The following SYT1 variants were observed in gnomAD, a reference collection of about 807,000 sequenced individuals.
The protein encoded by SYT1 is synaptotagmin-1.
SYT1 carries 8 observed loss-of-function variants against 44.8 expected under a neutral mutation model. The observed-to-expected ratio is 0.18, with a 90% CI of 0.10 to 0.32. The LOEUF (loss-of-function observed/expected upper bound fraction) is 0.32. Among genes scored for constraint, SYT1 ranks in the 10% least tolerant of loss-of-function variants. The pLI, the probability that SYT1 is intolerant of heterozygous loss-of-function variation, is 1.00. For missense variants in SYT1, 286 were observed against 509.3 expected (o/e 0.56, Z 4.22); for synonymous variants, 154 against 188.8 (o/e 0.82, Z 1.51).
intron 3 of SYT1, among the ~76,000 whole-genome samples, chr12:79,141,468 T>A (rs1287850989): frequency 6.6e-6 from 1 of 152,060 alleles, no homozygotes; most frequent in East Asian, 1.9e-4. Flanking sequence ...ATTCATTTTG[T>A]TTTCTTCCAT....
At chr12:79,258,754 C>T (rs894655683) in intron 4 of SYT1, among the ~76,000 whole-genome samples, 1 of 152,172 alleles carries the variant, frequency 6.6e-6, no homozygotes, top group African/African-American at 2.4e-5. Context: ...CAAAGGTAGT[C>T]ATATGTGGCC....
At chr12:79,088,247 C>G (rs142451608) in intron 3 of SYT1, among the ~76,000 whole-genome samples, 122 of 152,016 alleles carry the variant, frequency 8.0e-4, no homozygotes, top group African/African-American at 2.9e-3. Context: ...GTTATTATTA[C>G]TAGTAATTTT....
At chr12:79,172,790 T>G (rs1347139784) in intron 3 of SYT1, among the ~76,000 whole-genome samples, 1 of 151,366 alleles carries the variant, frequency 6.6e-6, no homozygotes, top group Non-Finnish European at 1.5e-5. Flanking sequence ...TTTTACAGAC[T>G]AAGCCATTTT....
chr12:79,051,734 G>A (rs2137793542), intron 3 of SYT1, among the ~76,000 whole-genome samples: 1 of 152,048 alleles, frequency 6.6e-6, no homozygotes, highest in South Asian at 2.1e-4. Context: ...ATTGGATTAA[G>A]TATATGAAGA....
intron 3 of SYT1, among the ~76,000 whole-genome samples, chr12:79,150,664 C>A (rs1215611772): frequency 1.3e-5 from 2 of 152,062 alleles, no homozygotes; most frequent in African/African-American, 4.8e-5. Context: ...ATAGTCATGC[C>A]AAGGTGCAGA....
At chr12:79,235,343 C>G (rs919190796) in intron 4 of SYT1, among the ~76,000 whole-genome samples, 1 of 151,938 alleles carries the variant, frequency 6.6e-6, no homozygotes, top group Admixed American at 6.6e-5. Context: ...GTGCAATTCC[C>G]TGGTAACTCA....
intron 2 of SYT1, among the ~76,000 whole-genome samples, chr12:79,032,596 A>G (rs1682126521): frequency 6.6e-6 from 1 of 151,336 alleles, no homozygotes; most frequent in Non-Finnish European, 1.5e-5. Context: ...TAATACAGTT[A>G]GCATTTAAAC....
At chr12:78,956,978 C>CTA (rs1565736046) in intron 1 of SYT1, among the ~76,000 whole-genome samples, 1 of 152,150 alleles carries the variant, frequency 6.6e-6, no homozygotes, top group Admixed American at 6.6e-5. Context: ...TGAATATGGA[C>CTA]TATATCCTTT....
intron 3 of SYT1, among the ~76,000 whole-genome samples, chr12:79,093,714 T>A (rs1438525001): frequency 1.3e-5 from 2 of 151,426 alleles, no homozygotes. Context: ...ATTATTTTTC[T>A]TCAACAACAA....
intron 2 of SYT1, among the ~76,000 whole-genome samples, chr12:78,981,125 GTTT>G (rs1171068435): frequency 1.6e-5 from 2 of 122,696 alleles, no homozygotes; most frequent in Admixed American, 8.5e-5. Flanking sequence ...TTGTTTCTTT[GTTT>G]TTTTTTTTTT....
chr12:79,280,267 A>G (rs562288479), intron 4 of SYT1, among the ~76,000 whole-genome samples: 2 of 152,250 alleles, frequency 1.3e-5, no homozygotes, highest in Middle Eastern at 3.4e-3. Flanking sequence ...AGCAACCAAA[A>G]CAGCATGGTT....
intron 1 of SYT1, among the ~76,000 whole-genome samples, chr12:78,897,398 T>C (rs1341078970): frequency 6.6e-6 from 1 of 151,482 alleles, no homozygotes; most frequent in Non-Finnish European, 1.5e-5. Flanking sequence ...AGAAGCTAGA[T>C]TGTTTTGTTT....
chr12:79,243,544 G>A (rs1453394778), intron 4 of SYT1, among the ~76,000 whole-genome samples: 1 of 152,120 alleles, frequency 6.6e-6, no homozygotes, highest in African/African-American at 2.4e-5. Flanking sequence ...AATCGAAATC[G>A]AATCCCTTTT....
chr12:79,418,534 G>C (rs1868899197), intron 9 of SYT1, among the ~76,000 whole-genome samples: 1 of 152,064 alleles, frequency 6.6e-6, no homozygotes, highest in East Asian at 1.9e-4. Flanking sequence ...TGACCTTGTG[G>C]GTGACTTCAC....
At chr12:79,076,928 G>A (rs943793241) in intron 3 of SYT1, among the ~76,000 whole-genome samples, 1 of 152,150 alleles carries the variant, frequency 6.6e-6, no homozygotes, top group African/African-American at 2.4e-5. Context: ...TATTTACAGA[G>A]ATGTTTTTTA....
chr12:79,380,312 G>A (rs988837468), intron 9 of SYT1, among the ~76,000 whole-genome samples: 1 of 152,242 alleles, frequency 6.6e-6, no homozygotes, highest in Non-Finnish European at 1.5e-5. Flanking sequence ...TGCAATTTGA[G>A]TGTGTTCCTC....
intron 3 of SYT1, among the ~76,000 whole-genome samples, chr12:79,113,444 C>G (rs953829739): frequency 6.6e-6 from 1 of 151,872 alleles, no homozygotes; most frequent in African/African-American, 2.4e-5. Flanking sequence ...CAAAAAAATT[C>G]TTAGAGTTAT....
chr12:79,077,153 A>G (rs964932390), intron 3 of SYT1, among the ~76,000 whole-genome samples: 1 of 152,036 alleles, frequency 6.6e-6, no homozygotes, highest in East Asian at 1.9e-4. Context: ...TCTTGGATAA[A>G]GCCTTATTCC....
At chr12:78,973,536 A>G (rs1301995485) in intron 1 of SYT1, among the ~76,000 whole-genome samples, 1 of 152,144 alleles carries the variant, frequency 6.6e-6, no homozygotes, top group Non-Finnish European at 1.5e-5. Flanking sequence ...AGAATGTCAA[A>G]GGGGTATCGC....
Sources: allele counts gnomAD v4.1 joint callset (sites outside exome capture counted in the v4.1 genomes callset), GRCh38; gene constraint gnomAD v4.1.1; transcripts MANE v1.5; gene names NCBI Gene and HGNC (gene_info 2026-07-23, HGNC 2026-07-21).